The following MEGF10 variants were observed in gnomAD, a reference collection of about 807,000 sequenced individuals.
MEGF10 encodes multiple EGF like domains 10.
Under a neutral mutation model 147.5 loss-of-function variants are expected in MEGF10, and 86 were observed. The ratio of observed to expected loss-of-function variants is 0.58; its 90% confidence interval spans 0.49 to 0.70. The LOEUF is 0.70. MEGF10 is among the 30% of genes least tolerant of loss of function. The probability of loss-of-function intolerance (pLI) is 0.00; values close to 1 mark genes in which losing one functional copy is unlikely to be tolerated. For missense variants in MEGF10, 1,329 were observed against 1,487.3 expected, an observed-to-expected ratio of 0.89 and a Z score of 1.75; for synonymous variants, 478 against 525.5, an observed-to-expected ratio of 0.91 and a Z score of 1.24.
the MEGF10 span, among the ~76,000 whole-genome samples, chr5:127,233,304 C>CCA: frequency 9.9e-5 from 15 of 152,180 alleles, no homozygotes; most frequent in Non-Finnish European, 2.1e-4. Context: ...GTGGAAACCA[C>CCA]CACACCTTCC....
At chr5:127,267,198 G>C in the MEGF10 span, among the ~76,000 whole-genome samples, 512 of 152,188 alleles carry the variant, frequency 3.4e-3, 1 homozygote, top group African/African-American at 0.012. Context: ...TTTTGTCTTT[G>C]GTTCTGTTTA....
intron 22 of MEGF10, 140 bp from the exon 23 acceptor site, chr5:127,454,426 G>T: frequency 1.6e-6 from 1 of 617,496 alleles, no homozygotes; most frequent in Non-Finnish European, 2.8e-6. Context: ...TGGGACAACT[G>T]ATCTGGTGTA....
chr5:127,383,099 T>C (rs1281387823), intron 5 of MEGF10, among the ~76,000 whole-genome samples: 1 of 152,222 alleles, frequency 6.6e-6, no homozygotes, highest in Non-Finnish European at 1.5e-5. Flanking sequence ...TTTCTACTTC[T>C]TTATAATTTG....
chr5:127,421,497 C>G (rs1051075955), intron 12 of MEGF10, among the ~76,000 whole-genome samples: 3 of 152,150 alleles, frequency 2.0e-5, no homozygotes, highest in African/African-American at 7.2e-5. Context: ...CCCTCATTTC[C>G]CAGGATCTGT....
the MEGF10 span, among the ~76,000 whole-genome samples, chr5:127,280,166 A>T: frequency 6.6e-6 from 1 of 152,188 alleles, no homozygotes; most frequent in South Asian, 2.1e-4. Flanking sequence ...TTTTTTTATA[A>T]ATCTTCTTTG....
Position 127,358,925 on chromosome 5 carries a change from A to G in MEGF10, c.320-10985A>G, listed in dbSNP as rs563771742. Among the ~76,000 whole-genome samples the G allele has an allele frequency of 1.6e-4, 24 of 152,284 alleles. No individual in the cohort carries two copies. In the East Asian group the frequency reaches 4.4e-3, roughly 28 times the overall value. On this transcript the variant is annotated intron_variant, in intron 4 of 24. Coordinates refer to ENST00000503335, the MANE Select transcript of MEGF10 (RefSeq NM_001256545.2). ...GTTGTGGCCAGAATAGATAATGCCT[A>G]TGTAAGTGTGGAATTAAGCTAAAAA...
intron 8 of MEGF10, among the ~76,000 whole-genome samples, chr5:127,409,410 C>T (rs1038145367): frequency 6.6e-6 from 1 of 152,240 alleles, no homozygotes; most frequent in African/African-American, 2.4e-5. Flanking sequence ...GTCTCCTTCC[C>T]TTGGCAGAAA....
In MEGF10 at chr5:127,449,161, G is replaced by T. The variant is rs770936974; in HGVS notation, c.2919G>T (p.Val973=). The change falls in exon 22 of 25, where the codon GTG becomes GTT. Residue 973 remains valine, a synonymous_variant. Transcript: ENST00000503335. ...KNVNPGKRGP[V]GDCTGTLPAD... ...TGAACCCTGGGAAGAGAGGCCCTGT[G>T]GGGGACTGCACTGGGACATTGCCGG... The T allele has an allele frequency of 6.2e-7, 1 of 1,614,074 alleles. No individual in the cohort carries two copies.
chr5:127,259,101 C>A, the MEGF10 span, among the ~76,000 whole-genome samples: 1 of 152,082 alleles, frequency 6.6e-6, no homozygotes, highest in Admixed American at 6.6e-5. Flanking sequence ...GAAATCTGAA[C>A]AATTCCAGAT....
At chr5:127,360,106 A>T (rs1201316375) in intron 4 of MEGF10, among the ~76,000 whole-genome samples, 1 of 152,102 alleles carries the variant, frequency 6.6e-6, no homozygotes, top group Non-Finnish European at 1.5e-5. Context: ...GTTGTTGGGT[A>T]AAGTGTTCTA....
At chr5:127,318,102 A>G (rs1760636380) in intron 1 of MEGF10, among the ~76,000 whole-genome samples, 1 of 152,178 alleles carries the variant, frequency 6.6e-6, no homozygotes, top group African/African-American at 2.4e-5. Flanking sequence ...TAGTGCCCTT[A>G]TAAAAGAGAC....
At chr5:127,443,575 T>A (rs1461399243) in intron 19 of MEGF10, among the ~76,000 whole-genome samples, 1 of 152,196 alleles carries the variant, frequency 6.6e-6, no homozygotes, top group Non-Finnish European at 1.5e-5. Context: ...ATGTGTTTCC[T>A]CATGCCCCTC....
intron 4 of MEGF10, among the ~76,000 whole-genome samples, chr5:127,367,273 C>T (rs1762692304): frequency 6.6e-6 from 1 of 152,068 alleles, no homozygotes; most frequent in African/African-American, 2.4e-5. Flanking sequence ...GAATTGAGAC[C>T]TGTCCATAGA....
In MEGF10 at chr5:127,419,213, G is replaced by T; in HGVS notation, c.1399G>T (p.Val467Leu). 6.2e-7 allele frequency: 1 copy of T among 1,614,032 alleles called. No homozygotes were observed. The highest frequency in any genetic ancestry group is 1.3e-5 in the African/African-American group (1 of 75,012). Reference protein sequence around the residue: ...GCKNDAVCSPVDGSCTCKAGW... With the variant: ...GCKNDAVCSPLDGSCTCKAGW... ...TAAAAATGATGCAGTCTGCTCTCCT[G>T]TGGACGGGTCTTGTACTTGCAAGGC... The change falls in exon 11 of 25, where the codon GTG becomes TTG. Residue 467 changes from valine (V) to leucine (L), a missense_variant. Val to Leu is a conservative substitution (Grantham distance 32). Coordinates refer to ENST00000503335, the MANE Select transcript of MEGF10 (RefSeq NM_001256545.2).
chr5:127,312,619 T>C (rs1235747773), intron 1 of MEGF10, among the ~76,000 whole-genome samples: 1 of 152,232 alleles, frequency 6.6e-6, no homozygotes, highest in Non-Finnish European at 1.5e-5. Flanking sequence ...GGTTGGATCC[T>C]TTTAGCCAGG....
intron 13 of MEGF10, among the ~76,000 whole-genome samples, chr5:127,427,306 G>A (rs771366635): frequency 1.3e-5 from 2 of 152,100 alleles, no homozygotes; most frequent in Non-Finnish European, 2.9e-5. Flanking sequence ...ATAATCAATG[G>A]CAAATGAGAA....
chr5:127,444,751 A>G (rs375635149), intron 19 of MEGF10: 7 of 152,296 alleles, frequency 4.6e-5, no homozygotes, highest in African/African-American at 1.7e-4. Flanking sequence ...TCTTTCTGTC[A>G]TGGAAAATAA....
intron 8 of MEGF10, among the ~76,000 whole-genome samples, chr5:127,408,836 G>C (rs189307506): frequency 1.3e-5 from 2 of 152,288 alleles, no homozygotes; most frequent in East Asian, 3.9e-4. Flanking sequence ...CAACATTTTG[G>C]GAGGCTGAGG....
the MEGF10 span, among the ~76,000 whole-genome samples, chr5:127,276,290 C>A: frequency 1.3e-5 from 2 of 152,114 alleles, no homozygotes; most frequent in Non-Finnish European, 2.9e-5. Context: ...GGCTGTAAAC[C>A]GTAGGATATA....
Sources: allele counts gnomAD v4.1 joint callset (sites outside exome capture counted in the v4.1 genomes callset), GRCh38; gene constraint gnomAD v4.1.1; transcripts MANE v1.5; gene names NCBI Gene and HGNC (gene_info 2026-07-23, HGNC 2026-07-21).